The following PCDH15 variants were observed in gnomAD, a reference collection of about 807,000 sequenced individuals.
The protein encoded by PCDH15 is protocadherin-15.
PCDH15 carries 129 observed loss-of-function variants against 178.5 expected under a neutral mutation model. That is an observed-to-expected ratio of 0.72 (90% confidence interval 0.63 to 0.84). PCDH15 has a LOEUF of 0.84. Among genes scored for constraint, PCDH15 ranks in the 40% least tolerant of loss-of-function variants. The pLI, the probability that PCDH15 is intolerant of heterozygous loss-of-function variation, is 0.00. For synonymous variants in PCDH15, 800 were observed against 732.0 expected (o/e 1.09, Z -1.50); for missense variants, 2,230 against 2,099.9 (o/e 1.06, Z -1.21).
At chr10:55,522,419 A>C (rs529648166) in intron 2 of PCDH15, among the ~76,000 whole-genome samples, 104 of 151,858 alleles carry the variant, frequency 6.8e-4, no homozygotes, top group Non-Finnish European at 1.1e-3. Flanking sequence ...GGGGCATTCA[A>C]ATTCCATACT....
chr10:53,996,945 A>G (rs2091883285), intron 20 of PCDH15, among the ~76,000 whole-genome samples: 1 of 152,082 alleles, frequency 6.6e-6, no homozygotes, highest in African/African-American at 2.4e-5. Flanking sequence ...AGACACAACA[A>G]TTTTCCTGTA....
At chr10:55,304,514 G>T (rs1843368531) in intron 1 of PCDH15, among the ~76,000 whole-genome samples, 1 of 152,078 alleles carries the variant, frequency 6.6e-6, no homozygotes, top group Non-Finnish European at 1.5e-5. Context: ...GTTGTACTTA[G>T]TGGGTGAAAT....
At chr10:55,433,110 ATGAATATAAGT>A (rs999360145) in intron 2 of PCDH15, among the ~76,000 whole-genome samples, 1 of 152,184 alleles carries the variant, frequency 6.6e-6, no homozygotes. Flanking sequence ...ATATACCCAA[ATGAATATAAGT>A]TGGTCTACCA....
intron 2 of PCDH15, among the ~76,000 whole-genome samples, chr10:55,486,526 G>A (rs1840302112): frequency 1.3e-5 from 2 of 151,460 alleles, no homozygotes; most frequent in African/African-American, 4.8e-5. Flanking sequence ...ATAAAATTAT[G>A]CTTTTTTTCT....
intron 20 of PCDH15, among the ~76,000 whole-genome samples, chr10:54,005,284 A>G (rs2092345319): frequency 6.6e-6 from 1 of 152,150 alleles, no homozygotes. Flanking sequence ...TCACAAGCAC[A>G]GGCAACCAAA....
Position 55,210,184 on chromosome 10 carries a change from C to A in PCDH15, c.-155-43533G>T, listed in dbSNP as rs556982527. On this transcript the variant is annotated intron_variant, in intron 1 of 5. Coordinates refer to the PCDH15 transcript ENST00000458638. Reference sequence around the variant, plus strand: ...GAGATAAATGAATGTAATTACTAATCCAATTAAAATTTATAGTGTTACAGC... The same window carrying A: ...GAGATAAATGAATGTAATTACTAATACAATTAAAATTTATAGTGTTACAGC... Among the ~76,000 whole-genome samples, 210 of 151,840 alleles carry A rather than the reference C, an allele frequency of 1.4e-3. 1 individual carries two copies. The highest frequency in any genetic ancestry group is 2.4e-3 in the Non-Finnish European group (163 of 67,962).
At chr10:54,243,840 G>A (rs993995017) in intron 8 of PCDH15, among the ~76,000 whole-genome samples, 5 of 151,916 alleles carry the variant, frequency 3.3e-5, no homozygotes, top group Non-Finnish European at 7.4e-5. Context: ...AAATAGTAAC[G>A]AATTGGGGTG....
At chr10:55,139,370 T>G (rs1252403172) in intron 2 of PCDH15, among the ~76,000 whole-genome samples, 3 of 113,328 alleles carry the variant, frequency 2.6e-5, no homozygotes, top group African/African-American at 9.1e-5. Context: ...GCCCTAGATC[T>G]TGCAAAATTT....
At chr10:53,889,338 G>A (rs910030398) in intron 26 of PCDH15, among the ~76,000 whole-genome samples, 1 of 151,980 alleles carries the variant, frequency 6.6e-6, no homozygotes, top group African/African-American at 2.4e-5. Flanking sequence ...AGTATATAAA[G>A]AATTCTAAAG....
chr10:54,991,382 A>T (rs1839497207), intron 2 of PCDH15, among the ~76,000 whole-genome samples: 1 of 152,140 alleles, frequency 6.6e-6, no homozygotes, highest in African/African-American at 2.4e-5. Flanking sequence ...TTAGAAATAG[A>T]GGTAATTGAA....
chr10:55,039,645 C>A (rs570646347), intron 2 of PCDH15, among the ~76,000 whole-genome samples: 1 of 152,216 alleles, frequency 6.6e-6, no homozygotes, highest in Admixed American at 6.6e-5. Flanking sequence ...AATAAAGACA[C>A]ACCAAGCAGA....
chr10:54,526,479 A>C (rs549010378), intron 3 of PCDH15, among the ~76,000 whole-genome samples: 1 of 152,206 alleles, frequency 6.6e-6, no homozygotes, highest in Non-Finnish European at 1.5e-5. Context: ...AGCCATAAGG[A>C]AGCCATAATT....
intron 8 of PCDH15, among the ~76,000 whole-genome samples, chr10:54,239,817 A>G (rs1254731660): frequency 6.6e-6 from 1 of 152,106 alleles, no homozygotes; most frequent in Admixed American, 6.5e-5. Context: ...TTCTGCTACC[A>G]TAAATGAAAT....
At chr10:55,064,266 C>T (rs1443556294) in intron 2 of PCDH15, among the ~76,000 whole-genome samples, 2 of 152,092 alleles carry the variant, frequency 1.3e-5, no homozygotes, top group African/African-American at 2.4e-5. Flanking sequence ...ACCACTACTG[C>T]TACTTGTGTA....
At chr10:54,218,301 A>T (rs2052343081) in intron 9 of PCDH15, among the ~76,000 whole-genome samples, 1 of 152,150 alleles carries the variant, frequency 6.6e-6, no homozygotes, top group Non-Finnish European at 1.5e-5. Context: ...AAAGAGATAA[A>T]GCCACATACA....
chr10:54,570,565 T>C (rs1195487765), intron 2 of PCDH15, among the ~76,000 whole-genome samples: 2 of 152,048 alleles, frequency 1.3e-5, no homozygotes, highest in Non-Finnish European at 2.9e-5. Context: ...TTTTTAAATA[T>C]TGCATTGGAA....
At chr10:54,584,089 A>C (rs1273027765) in intron 2 of PCDH15, among the ~76,000 whole-genome samples, 8 of 152,146 alleles carry the variant, frequency 5.3e-5, no homozygotes, top group Non-Finnish European at 1.5e-5. Context: ...TCATTATTAC[A>C]TAATATATTA....
At chr10:55,444,090 C>T (rs1839259789) in intron 2 of PCDH15, among the ~76,000 whole-genome samples, 1 of 149,292 alleles carries the variant, frequency 6.7e-6, no homozygotes, top group Non-Finnish European at 1.5e-5. Flanking sequence ...ACAATGAGAA[C>T]ATATGGGCAC....
chr10:55,081,713 T>C (rs1842045499), intron 2 of PCDH15, among the ~76,000 whole-genome samples: 1 of 152,196 alleles, frequency 6.6e-6, no homozygotes, highest in Admixed American at 6.6e-5. Flanking sequence ...AAACCTAATA[T>C]GCTTGAGCCT....
Sources: gnomAD v4.1 joint callset for allele counts (sites outside exome capture counted in the v4.1 genomes callset) on GRCh38, gnomAD v4.1.1 for gene constraint, MANE v1.5 for transcripts, NCBI Gene and HGNC (gene_info 2026-07-23, HGNC 2026-07-21) for gene names.